The following NAALADL2 variants were observed in gnomAD, a reference collection of about 807,000 sequenced individuals.
NAALADL2 encodes N-acetylated alpha-linked acidic dipeptidase like 2.
Under a neutral mutation model 87.2 loss-of-function variants are expected in NAALADL2, and 76 were observed. The observed-to-expected ratio is 0.87, with a 90% CI of 0.72 to 1.05. The LOEUF (loss-of-function observed/expected upper bound fraction) is 1.05. Ranked by LOEUF, NAALADL2 falls within the 50% of genes least tolerant of loss-of-function variation. The pLI is 0.00. For synonymous variants in NAALADL2, 354 were observed against 331.0 expected, an observed-to-expected ratio of 1.07 and a Z score of -0.75; for missense variants, 1,089 against 945.8, an observed-to-expected ratio of 1.15 and a Z score of -1.99.
intron 3 of NAALADL2, among the ~76,000 whole-genome samples, chr3:175,239,634 G>A (rs558510723): frequency 1.3e-5 from 2 of 152,064 alleles, no homozygotes; most frequent in Admixed American, 6.6e-5. Context: ...GCCAAGTAAT[G>A]CAGTTTTATG....
At chr3:174,775,678 T>C (rs1404550761) in intron 3 of NAALADL2, among the ~76,000 whole-genome samples, 1 of 151,886 alleles carries the variant, frequency 6.6e-6, no homozygotes, top group Non-Finnish European at 1.5e-5. Context: ...CACAGGGTCC[T>C]CCAGAACAAA....
At chr3:174,590,311 A>G (rs1353631158) in intron 2 of NAALADL2, among the ~76,000 whole-genome samples, 3 of 152,140 alleles carry the variant, frequency 2.0e-5, no homozygotes, top group Non-Finnish European at 4.4e-5. Context: ...ACATAGCTAT[A>G]ACTCTGCCTT....
At chr3:175,513,135 C>A (rs139886455) in intron 9 of NAALADL2, among the ~76,000 whole-genome samples, 14 of 152,224 alleles carry the variant, frequency 9.2e-5, no homozygotes, top group Non-Finnish European at 1.9e-4. Context: ...TGTACACAGT[C>A]ACAATTCACT....
At chr3:175,586,139 T>G (rs1183728453) in intron 10 of NAALADL2, among the ~76,000 whole-genome samples, 1 of 152,162 alleles carries the variant, frequency 6.6e-6, no homozygotes. Context: ...TTCTTGAATC[T>G]CCACAACTTA....
At chr3:175,647,174 T>C (rs373218205) in intron 11 of NAALADL2, among the ~76,000 whole-genome samples, 21 of 152,242 alleles carry the variant, frequency 1.4e-4, no homozygotes, top group African/African-American at 4.1e-4. Context: ...CTTCAAAGGA[T>C]AGAAAAATGC....
chr3:174,482,068 C>T (rs1717587776), intron 1 of NAALADL2, among the ~76,000 whole-genome samples: 1 of 152,050 alleles, frequency 6.6e-6, no homozygotes, highest in Non-Finnish European at 1.5e-5. Flanking sequence ...CATAGGCAGA[C>T]CTTTTTAAGG....
intron 2 of NAALADL2, among the ~76,000 whole-genome samples, chr3:174,557,209 A>C (rs1287686211): frequency 1.3e-5 from 2 of 151,980 alleles, no homozygotes. Context: ...AATAATAAAA[A>C]CTCGATTTTC....
intron 2 of NAALADL2, among the ~76,000 whole-genome samples, chr3:174,716,164 C>G (rs1320897746): frequency 6.6e-6 from 1 of 152,080 alleles, no homozygotes; most frequent in African/African-American, 2.4e-5. Context: ...ATTATATCAT[C>G]CTCTATTGGG....
chr3:175,510,018 C>T (rs1332381620), intron 9 of NAALADL2, among the ~76,000 whole-genome samples: 4 of 144,394 alleles, frequency 2.8e-5, no homozygotes, highest in Non-Finnish European at 4.5e-5. Context: ...CACCCCACAA[C>T]AGTCCCCAGT....
At chr3:175,188,790 A>G (rs1490472774) in intron 2 of NAALADL2, among the ~76,000 whole-genome samples, 1 of 151,818 alleles carries the variant, frequency 6.6e-6, no homozygotes, top group Non-Finnish European at 1.5e-5. Flanking sequence ...CGTCCTCCCA[A>G]AGTCGCCATT....
At chr3:175,350,119 T>G (rs2148871815) in intron 5 of NAALADL2, among the ~76,000 whole-genome samples, 1 of 152,084 alleles carries the variant, frequency 6.6e-6, no homozygotes, top group African/African-American at 2.4e-5. Context: ...CAGAAAAGAA[T>G]ATTCTTGGCA....
At chr3:175,444,489 G>A (rs1720352934) in intron 5 of NAALADL2, among the ~76,000 whole-genome samples, 1 of 152,128 alleles carries the variant, frequency 6.6e-6, no homozygotes, top group African/African-American at 2.4e-5. Context: ...TACCTCAGTA[G>A]GTTGTACAAC....
At chr3:174,827,872 C>T (rs2109355605) in intron 3 of NAALADL2, among the ~76,000 whole-genome samples, 1 of 152,210 alleles carries the variant, frequency 6.6e-6, no homozygotes, top group East Asian at 1.9e-4. Flanking sequence ...TCCCTCTTCC[C>T]AGGCATGGGA....
chr3:175,184,231 T>G (rs2109011695), intron 2 of NAALADL2, among the ~76,000 whole-genome samples: 1 of 152,276 alleles, frequency 6.6e-6, no homozygotes, highest in Admixed American at 6.5e-5. Context: ...AGAATTACTT[T>G]AATTATGTTT....
intron 2 of NAALADL2, among the ~76,000 whole-genome samples, chr3:174,671,639 T>C (rs1050740086): frequency 6.6e-6 from 1 of 152,106 alleles, no homozygotes; most frequent in Non-Finnish European, 1.5e-5. Flanking sequence ...GAAAAATCCA[T>C]TGAATATGAG....
upstream of NAALADL2, among the ~76,000 whole-genome samples, chr3:174,856,559 A>G (rs1461029011): frequency 1.3e-5 from 2 of 152,142 alleles, no homozygotes; most frequent in Non-Finnish European, 2.9e-5. Flanking sequence ...CATCTCAGTT[A>G]TCAGAAGGAC....
intron 11 of NAALADL2, chr3:175,718,163 A>C (rs562476268): frequency 2.9e-5 from 35 of 1,197,622 alleles, no homozygotes; most frequent in South Asian, 2.9e-4. Flanking sequence ...AGACTGATTA[A>C]ATCGAATGGA....
intron 1 of NAALADL2, among the ~76,000 whole-genome samples, chr3:175,051,686 G>GCTAATTACACTTAT (rs1755411177): frequency 9.8e-6 from 1 of 102,296 alleles, no homozygotes; most frequent in Non-Finnish European, 2.1e-5. Context: ...TTACACTTAT[G>GCTAATTACACTTAT]GAGAAGGGAT....
intron 13 of NAALADL2, chr3:175,774,883 TTTC>T (rs760472873): frequency 1.1e-4 from 16 of 152,096 alleles, no homozygotes; most frequent in African/African-American, 3.1e-4. Context: ...ACTTCATTGA[TTTC>T]TTTTTTATGT....
Sources: gnomAD v4.1 joint callset for allele counts (sites outside exome capture counted in the v4.1 genomes callset) on GRCh38, gnomAD v4.1.1 for gene constraint, MANE v1.5 for transcripts, NCBI Gene and HGNC (gene_info 2026-07-23, HGNC 2026-07-21) for gene names.